Variants in LOC400499 observed in about 807,000 individuals in gnomAD.
chr16:11,384,264 C>G, the LOC400499 span: 2 of 1,232,322 alleles, frequency 1.6e-6, no homozygotes, highest in South Asian at 4.1e-5. Context: ...TAGAGCCATC[C>G]GGCAACATCA....
chr16:11,499,509 G>C, the LOC400499 span, among the ~76,000 whole-genome samples: 2 of 152,066 alleles, frequency 1.3e-5, no homozygotes, highest in Admixed American at 1.3e-4. Flanking sequence ...CTGGCTCTGA[G>C]TCAGTGCCTG....
At chr16:11,477,944 G>A in the LOC400499 span, 3 of 399,032 alleles carry the variant, frequency 7.5e-6, no homozygotes, top group Non-Finnish European at 1.3e-5. Flanking sequence ...GCCAGACACG[G>A]TGGGAAAGAC....
chr16:11,517,007 T>C, the LOC400499 span, among the ~76,000 whole-genome samples: 1 of 152,126 alleles, frequency 6.6e-6, no homozygotes, highest in Non-Finnish European at 1.5e-5. Context: ...GGGGAGAGGC[T>C]TTCTCTGAAC....
chr16:11,425,278 G>C, the LOC400499 span: 1 of 398,978 alleles, frequency 2.5e-6, no homozygotes, highest in Non-Finnish European at 4.4e-6. Flanking sequence ...GCCTGCAGCC[G>C]GCCCTTCAGC....
the LOC400499 span, among the ~76,000 whole-genome samples, chr16:11,443,139 C>A: frequency 1.3e-5 from 2 of 151,834 alleles, no homozygotes; most frequent in African/African-American, 2.4e-5. Flanking sequence ...GCCTGGCCAA[C>A]ATGCAGAAAC....
At chr16:11,503,329 T>C in the LOC400499 span, among the ~76,000 whole-genome samples, 1 of 152,334 alleles carries the variant, frequency 6.6e-6, no homozygotes, top group South Asian at 2.1e-4. Flanking sequence ...TAAAGGACTC[T>C]ACTCAGAGAA....
the LOC400499 span, among the ~76,000 whole-genome samples, chr16:11,498,723 G>A: frequency 7.9e-5 from 12 of 151,634 alleles, no homozygotes; most frequent in African/African-American, 2.7e-4. Context: ...CCTGCACATG[G>A]AACATCACAT....
At chr16:11,476,068 G>T in the LOC400499 span, among the ~76,000 whole-genome samples, 1 of 152,044 alleles carries the variant, frequency 6.6e-6, no homozygotes, top group East Asian at 1.9e-4. Flanking sequence ...CAGACAGAGG[G>T]CACAGCAGGT....
the LOC400499 span, among the ~76,000 whole-genome samples, chr16:11,464,811 C>G: frequency 1.3e-5 from 2 of 152,078 alleles, no homozygotes; most frequent in Non-Finnish European, 2.9e-5. Flanking sequence ...TAGGGACCAG[C>G]AGGAAGATCC....
the LOC400499 span, chr16:11,390,030 G>T: frequency 2.1e-6 from 2 of 958,472 alleles, no homozygotes; most frequent in African/African-American, 3.4e-5. Flanking sequence ...TGTGTCGGAA[G>T]GTGTCAAAGC....
the LOC400499 span, chr16:11,398,621 C>T: frequency 1.2e-6 from 1 of 818,400 alleles, no homozygotes; most frequent in Non-Finnish European, 1.6e-6. Flanking sequence ...AATGTGCCGT[C>T]AGAGCTCTCA....
At chr16:11,502,917 C>CTTTTTT in the LOC400499 span, among the ~76,000 whole-genome samples, 52,457 of 97,038 alleles carry the variant, frequency 0.54, 15,519 homozygotes, top group Non-Finnish European at 0.61. Context: ...CCTGGACCAC[C>CTTTTTT]TTTTTTTTTT....
At chr16:11,504,112 C>A in the LOC400499 span, among the ~76,000 whole-genome samples, 1 of 152,190 alleles carries the variant, frequency 6.6e-6, no homozygotes, top group African/African-American at 2.4e-5. Flanking sequence ...CCTGAGAATG[C>A]GCCTTTCAGA....
the LOC400499 span, among the ~76,000 whole-genome samples, chr16:11,400,917 A>C: frequency 1.7e-4 from 26 of 152,266 alleles, no homozygotes; most frequent in African/African-American, 6.3e-4. Flanking sequence ...GAGGCCCCCC[A>C]GCCAGACAGG....
chr16:11,384,258 G>A, the LOC400499 span: 6 of 1,232,228 alleles, frequency 4.9e-6, no homozygotes, highest in East Asian at 3.2e-5. Context: ...GGGCCATAGA[G>A]CCATCCGGCA....
chr16:11,517,137 C>G, the LOC400499 span, among the ~76,000 whole-genome samples: 1 of 152,088 alleles, frequency 6.6e-6, no homozygotes, highest in African/African-American at 2.4e-5. Flanking sequence ...TGGTGCAAGT[C>G]GACACCACAC....
chr16:11,396,643 G>A, the LOC400499 span: 4 of 1,232,044 alleles, frequency 3.2e-6, no homozygotes, highest in Non-Finnish European at 4.0e-6. Flanking sequence ...GTCCACCCTG[G>A]CCCAGGGTGT....
the LOC400499 span, chr16:11,423,967 G>A: frequency 1.5e-4 from 58 of 398,044 alleles, 1 homozygote; most frequent in Admixed American, 2.6e-4. Context: ...CCAGGGCTGC[G>A]CGGAGCTGCT....
the LOC400499 span, among the ~76,000 whole-genome samples, chr16:11,512,810 C>T: frequency 1.3e-5 from 2 of 152,264 alleles, no homozygotes; most frequent in South Asian, 4.1e-4. Flanking sequence ...AGCCTGGATG[C>T]CCCCAGGCAC....
Sources: allele counts gnomAD v4.1 joint callset (sites outside exome capture counted in the v4.1 genomes callset), GRCh38; gene constraint gnomAD v4.1.1; transcripts MANE v1.5.